The following SGMS2 variants were observed in gnomAD, a reference collection of about 807,000 sequenced individuals.
SGMS2 encodes sphingomyelin synthase 2.
Under a neutral mutation model 43.8 loss-of-function variants are expected in SGMS2, and 21 were observed. The observed-to-expected ratio is 0.48, with a 90% confidence interval of 0.34 to 0.69. SGMS2 has a LOEUF of 0.69. SGMS2 is among the 30% of genes least tolerant of loss of function. SGMS2 has a pLI of 0.01. For synonymous variants in SGMS2, 167 were observed against 160.6 expected (o/e 1.04, Z -0.30); for missense variants, 384 against 443.2 (o/e 0.87, Z 1.20).
chr4:107,906,357 T>C (rs1157756085), intron 5 of SGMS2, among the ~76,000 whole-genome samples: 1 of 151,950 alleles, frequency 6.6e-6, no homozygotes, highest in African/African-American at 2.4e-5. Context: ...CGTGCAAATA[T>C]TATAATTGGG....
In SGMS2 at chr4:107,903,494, G is replaced by C. The variant is rs1731299590; in HGVS notation, c.727+108G>C. On this transcript the variant is annotated intron_variant, in intron 5 of 6. Transcript: ENST00000690982. Reference sequence around the variant, plus strand: ...CTCTTGGGATTGATAAGCTGTGAAAGAGACGGATGTGTGTGTATATATGTA... The same window carrying C: ...CTCTTGGGATTGATAAGCTGTGAAACAGACGGATGTGTGTGTATATATGTA... 3 of 1,001,688 alleles carry C rather than the reference G, an allele frequency of 3.0e-6. No homozygotes were observed. In the African/African-American group the frequency reaches 4.8e-5, roughly 16 times the overall value. The allele number at this position is 1,001,688 out of a possible 1,614,324, so 62.0% of individuals were successfully genotyped here.
chr4:107,838,920 C>T (rs1726345003), intron 1 of SGMS2, among the ~76,000 whole-genome samples: 1 of 152,168 alleles, frequency 6.6e-6, no homozygotes, highest in South Asian at 2.1e-4. Flanking sequence ...CACTGCCTTG[C>T]CTGGACTGAG....
At chr4:107,857,252 C>T (rs1334564073) in intron 1 of SGMS2, among the ~76,000 whole-genome samples, 1 of 152,030 alleles carries the variant, frequency 6.6e-6, no homozygotes, top group Non-Finnish European at 1.5e-5. Flanking sequence ...TTTGTTTATC[C>T]ATTTAATAGT....
Position 107,910,444 on chromosome 4 carries a change from C to G in SGMS2, c.989C>G (p.Pro330Arg). The G allele has an allele frequency of 6.2e-7, 1 of 1,614,022 alleles. No homozygotes were observed. The highest frequency in any genetic ancestry group is 8.5e-7 in the Non-Finnish European group (1 of 1,179,994). Reference protein sequence around the residue: ...FFEKNVQGSIPCCFSWPLSWP... With the variant: ...FFEKNVQGSIRCCFSWPLSWP... ...GAGAAAAATGTACAAGGCTCAATTC[C>G]TTGCTGCTTCTCCTGGCCGCTGTCT... Residue 330 changes from proline (P) to arginine (R), a missense_variant, in exon 7 of 7, where the codon CCT (proline) becomes CGT (arginine). By Grantham distance (103) the Pro-to-Arg change is moderately radical. Coordinates refer to ENST00000690982, the MANE Select transcript of SGMS2 (RefSeq NM_001375905.1).
intron 2 of SGMS2, among the ~76,000 whole-genome samples, chr4:107,882,689 T>C (rs1729456167): frequency 6.6e-6 from 1 of 152,214 alleles, no homozygotes; most frequent in Admixed American, 6.5e-5. Context: ...AGAACTATTA[T>C]GTTGTGACTA....
At chr4:107,902,289 C>CAAAAAAAAAAAAAAAAAAAAAAA (rs34388036) in intron 4 of SGMS2, among the ~76,000 whole-genome samples, 6 of 124,564 alleles carry the variant, frequency 4.8e-5, no homozygotes, top group African/African-American at 7.0e-5. Flanking sequence ...GACCCTGTCT[C>CAAAAAAAAAAAAAAAAAAAAAAA]AAAAAAAAAA....
At chr4:107,833,395 C>A (rs1726000116) in intron 1 of SGMS2, among the ~76,000 whole-genome samples, 1 of 152,124 alleles carries the variant, frequency 6.6e-6, no homozygotes, top group Admixed American at 6.5e-5. Context: ...ATTCCCAGAA[C>A]CTATGAATCT....
At chr4:107,901,908 C>T (rs73838273) in intron 4 of SGMS2, among the ~76,000 whole-genome samples, 3 of 143,068 alleles carry the variant, frequency 2.1e-5, no homozygotes, top group Non-Finnish European at 4.6e-5. Flanking sequence ...CCTTCTTCTT[C>T]TTTTTTTTTT....
At position 107,903,737 on chromosome 4, in the gene SGMS2, A is replaced by G. The variant is rs181261847; in HGVS notation, c.727+351A>G. On this transcript the variant is annotated intron_variant, in intron 5 of 6. Coordinates refer to ENST00000690982, the MANE Select transcript of SGMS2 (RefSeq NM_001375905.1). ...TGGAATTAATTGTTAATTTTATTGC[A>G]AAAAGGATTGGTACATTCTAAAGAC... 2.9e-3 allele frequency among the ~76,000 whole-genome samples: 447 copies of G among 152,298 alleles called. 2 individuals carry two copies. Among genetic ancestry groups the G allele is most frequent in the African/African-American group, 0.01 (428 of 41,572 alleles).
chr4:107,897,892 C>T (rs1730809302), intron 3 of SGMS2, among the ~76,000 whole-genome samples: 1 of 152,152 alleles, frequency 6.6e-6, no homozygotes, highest in Admixed American at 6.5e-5. Context: ...GGGAAAAAGT[C>T]ATTAGCACTA....
intron 1 of SGMS2, among the ~76,000 whole-genome samples, chr4:107,850,908 T>C (rs190130638): frequency 6.6e-6 from 1 of 152,308 alleles, no homozygotes; most frequent in East Asian, 1.9e-4. Flanking sequence ...TGCAAAACCT[T>C]CTACGAGTGT....
chr4:107,845,954 T>C (rs959451296), intron 1 of SGMS2, among the ~76,000 whole-genome samples: 2 of 152,236 alleles, frequency 1.3e-5, no homozygotes, highest in African/African-American at 4.8e-5. Flanking sequence ...TGACCACAAA[T>C]GTTGTTTCAT....
chr4:107,865,562 A>C (rs549928458), intron 2 of SGMS2, among the ~76,000 whole-genome samples: 1 of 152,320 alleles, frequency 6.6e-6, no homozygotes, highest in South Asian at 2.1e-4. Flanking sequence ...GTCAGTTAGA[A>C]TTATAAAGCA....
chr4:107,903,460 G>A (rs1578658750), intron 5 of SGMS2, 74 bp downstream of exon 5: 1 of 1,414,766 alleles, frequency 7.1e-7, no homozygotes, highest in Non-Finnish European at 9.8e-7. Context: ...ATTGATAGGA[G>A]CCCTTATTCT....
At chr4:107,893,126 C>T (rs1730369756) in intron 2 of SGMS2, 1 of 151,992 alleles carries the variant, frequency 6.6e-6, no homozygotes, top group Non-Finnish European at 1.5e-5. Flanking sequence ...CAGTCATTCT[C>T]ATAGCAGTCC....
chr4:107,895,074 T>C (rs916277309), intron 2 of SGMS2, among the ~76,000 whole-genome samples: 1 of 152,236 alleles, frequency 6.6e-6, no homozygotes, highest in Non-Finnish European at 1.5e-5. Context: ...GAACTGATTG[T>C]TAAAATGTTC....
chr4:107,883,754 T>C (rs1235370587), intron 2 of SGMS2, among the ~76,000 whole-genome samples: 1 of 152,194 alleles, frequency 6.6e-6, no homozygotes, highest in African/African-American at 2.4e-5. Context: ...ATATGTTTTG[T>C]ACATCTAATC....
At chr4:107,899,869 C>A (rs964257650) in intron 4 of SGMS2, among the ~76,000 whole-genome samples, 177 bp downstream of exon 4, 1 of 151,862 alleles carries the variant, frequency 6.6e-6, no homozygotes, top group Non-Finnish European at 1.5e-5. Flanking sequence ...AAATATATAC[C>A]TTTTGTGCTA....
chr4:107,842,341 G>C (rs1158079055), intron 1 of SGMS2, among the ~76,000 whole-genome samples: 1 of 152,152 alleles, frequency 6.6e-6, no homozygotes, highest in Non-Finnish European at 1.5e-5. Context: ...AAGGGGAGCA[G>C]GTGTCTCACA....
Sources: allele counts gnomAD v4.1 joint callset (sites outside exome capture counted in the v4.1 genomes callset), GRCh38; gene constraint gnomAD v4.1.1; transcripts MANE v1.5; gene names NCBI Gene and HGNC (gene_info 2026-07-23, HGNC 2026-07-21).